PPARGC1A: variants seen among roughly 807,000 people sequenced by gnomAD.
PPARGC1A encodes the protein peroxisome proliferator-activated receptor gamma coactivator 1-alpha.
A neutral mutation model predicts 88.7 loss-of-function variants in PPARGC1A; 25 were observed. The ratio of observed to expected loss-of-function variants is 0.28; its 90% confidence interval spans 0.21 to 0.39. PPARGC1A has a LOEUF of 0.39. Ranked by LOEUF, PPARGC1A falls within the 10% of genes least tolerant of loss-of-function variation. The probability of loss-of-function intolerance (pLI) is 1.00; values close to 1 mark genes in which losing one functional copy is unlikely to be tolerated. For missense variants in PPARGC1A, 880 were observed against 968.7 expected, an observed-to-expected ratio of 0.91 and a Z score of 1.22; for synonymous variants, 363 against 355.6, an observed-to-expected ratio of 1.02 and a Z score of -0.24.
chr4:23,809,393 G>A (rs879283380), intron 10 of PPARGC1A, among the ~76,000 whole-genome samples: 1 of 152,066 alleles, frequency 6.6e-6, no homozygotes, highest in Non-Finnish European at 1.5e-5. Flanking sequence ...GGACCCTTTA[G>A]GCTATCTTCC....
the PPARGC1A span, among the ~76,000 whole-genome samples, chr4:24,340,865 G>A: frequency 5.3e-5 from 8 of 152,008 alleles, no homozygotes; most frequent in African/African-American, 9.7e-5. Flanking sequence ...TCATCCACCC[G>A]CCACTCCCAC....
the PPARGC1A span, among the ~76,000 whole-genome samples, chr4:24,392,448 T>C: frequency 6.6e-6 from 1 of 152,150 alleles, no homozygotes; most frequent in Admixed American, 6.6e-5. Context: ...TTGAAAAATA[T>C]ACTGTGAAAT....
chr4:23,828,917 C>A (rs1490773985), intron 4 of PPARGC1A, among the ~76,000 whole-genome samples: 1 of 152,172 alleles, frequency 6.6e-6, no homozygotes, highest in African/African-American at 2.4e-5. Flanking sequence ...CTTAATTTGC[C>A]ACTGATTGCT....
the PPARGC1A span, among the ~76,000 whole-genome samples, chr4:24,099,751 T>A: frequency 6.6e-6 from 1 of 152,044 alleles, no homozygotes; most frequent in Non-Finnish European, 1.5e-5. Flanking sequence ...GTTTCTTCCC[T>A]CTCCATTTAC....
chr4:23,828,508 T>C lies in PPARGC1A; in HGVS notation c.649A>G (p.Asn217Asp). ...GGTTTGGTGTGAGGAGGGTCATCGTTTGTGGTCAGATATTTGAGAAGCTCC... is the reference window on the plus strand; with the variant it reads ...GGTTTGGTGTGAGGAGGGTCATCGTCTGTGGTCAGATATTTGAGAAGCTCC... ...CSELLKYLTT[N>D]DDPPHTKPTE... The change falls in exon 5 of 13, where the codon AAC (asparagine) becomes GAC (aspartate). Residue 217 changes from asparagine (N) to aspartate (D), a missense_variant. Physicochemically the swap from Asn to Asp is conservative, Grantham distance 23. Transcript: ENST00000264867. The C allele has an allele frequency of 1.2e-6, 2 of 1,614,090 alleles. No individual in the cohort carries two copies. Among genetic ancestry groups the C allele is most frequent in the Non-Finnish European group, 1.7e-6 (2 of 1,179,960 alleles).
chr4:24,266,239 T>C, the PPARGC1A span, among the ~76,000 whole-genome samples: 4 of 152,252 alleles, frequency 2.6e-5, no homozygotes, highest in South Asian at 2.1e-4. Flanking sequence ...AGTGAATAAG[T>C]TGCAGTCTCC....
the PPARGC1A span, among the ~76,000 whole-genome samples, chr4:23,937,027 CGAA>C: frequency 3.7e-3 from 557 of 152,016 alleles, 2 homozygotes; most frequent in Non-Finnish European, 5.9e-3. Flanking sequence ...TGCGAAGTCA[CGAA>C]GAAGACCAGA....
the PPARGC1A span, among the ~76,000 whole-genome samples, chr4:24,202,845 AAG>A: frequency 1.3e-5 from 2 of 152,098 alleles, no homozygotes; most frequent in Non-Finnish European, 2.9e-5. Flanking sequence ...TATTTCAGAA[AAG>A]AGTCATTGAC....
chr4:24,013,962 T>C, the PPARGC1A span, among the ~76,000 whole-genome samples: 1 of 151,966 alleles, frequency 6.6e-6, no homozygotes, highest in African/African-American at 2.4e-5. Flanking sequence ...GAAAGAGCAT[T>C]AAAAAAGAAA....
the PPARGC1A span, among the ~76,000 whole-genome samples, chr4:24,033,267 T>C: frequency 6.6e-6 from 1 of 152,192 alleles, no homozygotes; most frequent in Non-Finnish European, 1.5e-5. Context: ...CTCAAAGAGT[T>C]GAGGTAACAA....
chr4:24,292,007 G>A, the PPARGC1A span, among the ~76,000 whole-genome samples: 2 of 152,222 alleles, frequency 1.3e-5, no homozygotes, highest in Admixed American at 1.3e-4. Context: ...ACCTGCGAGA[G>A]TGACGTGGCT....
chr4:24,452,814 C>T, the PPARGC1A span, among the ~76,000 whole-genome samples: 1 of 152,132 alleles, frequency 6.6e-6, no homozygotes, highest in African/African-American at 2.4e-5. Context: ...TTAACATCCC[C>T]AACAAAGGGC....
the PPARGC1A span, among the ~76,000 whole-genome samples, chr4:24,315,916 T>C: frequency 4.0e-4 from 61 of 152,310 alleles, no homozygotes; most frequent in African/African-American, 1.3e-3. Flanking sequence ...AAAGGTTCTA[T>C]TCTAGATCCG....
the PPARGC1A span, among the ~76,000 whole-genome samples, chr4:24,096,064 T>A: frequency 6.6e-6 from 1 of 152,152 alleles, no homozygotes; most frequent in African/African-American, 2.4e-5. Context: ...AGGAGGTGAT[T>A]GGATCATGGA....
In PPARGC1A at chr4:23,829,528, C is replaced by T. The variant is rs1166778125; in HGVS notation, c.487G>A (p.Gly163Ser). ...TTTGCATGGTTCTGGGTACTGAGACCACTGCATTCATTATAACTTAGCTGA... is the reference window on the plus strand; with the variant it reads ...TTTGCATGGTTCTGGGTACTGAGACTACTGCATTCATTATAACTTAGCTGA... ...NTQLSYNECS[G>S]LSTQNHANHN... The change falls in exon 4 of 13, where the codon GGT becomes AGT. Residue 163 changes from glycine (G) to serine (S), a missense_variant. Physicochemically the swap from Gly to Ser is moderately conservative, Grantham distance 56. Transcript: ENST00000264867. The T allele has an allele frequency of 1.2e-6, 2 of 1,613,282 alleles. No homozygotes were observed. Among genetic ancestry groups the T allele is most frequent in the Non-Finnish European group, 1.7e-6 (2 of 1,179,316 alleles).
intron 2 of PPARGC1A, among the ~76,000 whole-genome samples, chr4:23,873,520 G>A (rs903217032): frequency 6.6e-6 from 1 of 152,136 alleles, no homozygotes; most frequent in Non-Finnish European, 1.5e-5. Flanking sequence ...GTGGAAACTG[G>A]TCTCTGAGTT....
intron 1 of PPARGC1A, among the ~76,000 whole-genome samples, chr4:23,886,169 C>T (rs928805167): frequency 3.9e-5 from 6 of 152,324 alleles, no homozygotes; most frequent in Admixed American, 3.3e-4. Context: ...ACGCAGCACC[C>T]TCATGGCCCT....
chr4:23,934,433 C>T, the PPARGC1A span, among the ~76,000 whole-genome samples: 14 of 152,202 alleles, frequency 9.2e-5, no homozygotes, highest in African/African-American at 3.1e-4. Context: ...CCTTTTCCCG[C>T]AACCACCCCC....
chr4:24,274,351 C>G, the PPARGC1A span, among the ~76,000 whole-genome samples: 3 of 152,090 alleles, frequency 2.0e-5, no homozygotes, highest in Non-Finnish European at 4.4e-5. Flanking sequence ...CAGAAGTCTA[C>G]CCTGGTTTTA....
Sources: gnomAD v4.1 joint callset for allele counts (sites outside exome capture counted in the v4.1 genomes callset) on GRCh38, gnomAD v4.1.1 for gene constraint, MANE v1.5 for transcripts, NCBI Gene and HGNC (gene_info 2026-07-23, HGNC 2026-07-21) for gene names.